CHD5: variants seen among roughly 807,000 people sequenced by gnomAD.
CHD5 encodes chromodomain helicase DNA binding protein 5, also known as ATP-dependent chromatin remodeler CHD5.
A neutral mutation model predicts 230.3 loss-of-function variants in CHD5; 69 were observed. The ratio of observed to expected loss-of-function variants is 0.30; its 90% CI spans 0.25 to 0.37. CHD5 has a LOEUF of 0.37. Among genes scored for constraint, CHD5 ranks in the 10% least tolerant of loss-of-function variants. The probability of loss-of-function intolerance (pLI) is 1.00; values close to 1 mark genes in which losing one functional copy is unlikely to be tolerated. For missense variants in CHD5, 1,827 were observed against 2,622.8 expected, an observed-to-expected ratio of 0.70 and a Z score of 6.63; for synonymous variants, 1,064 against 1,065.9, an observed-to-expected ratio of 1.00 and a Z score of 0.03.
At chr1:6,136,897 G>C in intron 15 of CHD5, 32 bp from the exon 16 acceptor site, 1 of 1,582,592 alleles carries the variant, frequency 6.3e-7, no homozygotes, top group Non-Finnish European at 8.6e-7. Flanking sequence ...GGGATGAGAC[G>C]GCTGGGAGCA....
intron 6 of CHD5, 66 bp downstream of exon 6, chr1:6,152,346 G>A (rs954014394): frequency 6.4e-6 from 10 of 1,551,978 alleles, no homozygotes; most frequent in Admixed American, 1.9e-5. Context: ...CCTGGCCCTT[G>A]CGTGCTCATG....
At chr1:6,124,851 C>T (rs1265769973) in intron 29 of CHD5, among the ~76,000 whole-genome samples, 190 bp from the exon 30 acceptor site, 2 of 152,216 alleles carry the variant, frequency 1.3e-5, no homozygotes, top group African/African-American at 2.4e-5. Context: ...TAGGACAGCC[C>T]TGGGTGACCG....
At chr1:6,120,528 G>A (rs1161133086) in intron 33 of CHD5, among the ~76,000 whole-genome samples, 1 of 151,732 alleles carries the variant, frequency 6.6e-6, no homozygotes, top group Non-Finnish European at 1.5e-5. Context: ...AAATGGCCGG[G>A]CGCAGTGGCT....
intron 1 of CHD5, among the ~76,000 whole-genome samples, chr1:6,172,773 G>C (rs1667359062): frequency 6.6e-6 from 1 of 152,134 alleles, no homozygotes; most frequent in Admixed American, 6.5e-5. Context: ...GTCAAGGCTG[G>C]TTCACCACAC....
At chr1:6,145,028 A>T (rs1666889323) in intron 11 of CHD5, among the ~76,000 whole-genome samples, 1 of 152,224 alleles carries the variant, frequency 6.6e-6, no homozygotes, top group Non-Finnish European at 1.5e-5. Context: ...GTAAAGGTAG[A>T]AAACCATGGG....
In CHD5 at chr1:6,134,916, T is replaced by G; in HGVS notation, c.2871-57A>C. On this transcript the variant is annotated intron_variant, in intron 18 of 41. Transcript: ENST00000262450. The surrounding 1 kb of genome is among the most constrained non-coding windows in gnomAD (Gnocchi z 6.3). ...GTCAGACCCGCCTCCATGAGGGCTCTCTCTGCTCTGCAGTGGGGCTGGAAG... is the reference window on the plus strand; with the variant it reads ...GTCAGACCCGCCTCCATGAGGGCTCGCTCTGCTCTGCAGTGGGGCTGGAAG... 6.2e-7 allele frequency: 1 copy of G among 1,607,122 alleles called. No individual in the cohort carries two copies. Among genetic ancestry groups the G allele is most frequent in the Non-Finnish European group, 8.5e-7 (1 of 1,174,850 alleles).
In CHD5 at chr1:6,136,827, G is replaced by A. The variant is rs1324694354; in HGVS notation, c.2475C>T (p.Ser825=). ...CCTGGTCAATGGTGATGAGCTCATA[G>A]GAGGTGAGCAGCACGTGGAATTTGA... ...VQIKFHVLLT[S]YELITIDQAI... is the part of the protein sequence containing the mutation. The change falls in exon 16 of 42, where the codon TCC becomes TCT. Residue 825 remains serine, a synonymous_variant. Transcript: ENST00000262450. 1.2e-6 allele frequency: 2 copies of A among 1,612,704 alleles called. No individual in the cohort carries two copies. Among genetic ancestry groups the A allele is most frequent in the South Asian group, 2.2e-5 (2 of 90,972 alleles).
chr1:6,152,264 T>G (rs1264752313), intron 6 of CHD5, 148 bp downstream of exon 6: 6 of 814,092 alleles, frequency 7.4e-6, no homozygotes, highest in African/African-American at 3.4e-5. Flanking sequence ...CACACCTGCA[T>G]GTAGGATGGA....
chr1:6,145,767 G>A lies in CHD5; in HGVS notation c.1802+445C>T, dbSNP rs114608051. Among the ~76,000 whole-genome samples, 285 of 152,336 alleles carry A rather than the reference G, an allele frequency of 1.9e-3. 1 individual carries two copies. Among genetic ancestry groups the A allele is most frequent in the Non-Finnish European group, 3.5e-3 (239 of 68,030 alleles). On this transcript the variant is annotated intron_variant, in intron 11 of 41. Transcript: ENST00000262450. ...GTGATTCTGGCGACTTAACCTTGCT[G>A]TGCCTATTCTCACATCAGTAAAACA...
rs2100863240 is a variant in CHD5, at chr1:6,149,077, T to TG, written c.1162-3dup. On this transcript the variant is annotated splice_region_variant and splice_polypyrimidine_tract_variant and intron_variant, in intron 8 of 41. Transcript: ENST00000262450. ...CTCCCACTGGATCCCCTCCTTCTCC[T>TG]GGGGGAGGAGGCCAGGTGGAGGCAC... The TG allele has an allele frequency of 3.3e-6, 5 of 1,517,130 alleles. No individual in the cohort carries two copies. Among genetic ancestry groups the TG allele is most frequent in the Non-Finnish European group, 3.5e-6 (4 of 1,131,318 alleles). 94.0% of individuals were successfully genotyped at this position (1,517,130 alleles called of 1,614,324 possible).
chr1:6,107,402 TG>T (rs1408458159), intron 38 of CHD5, among the ~76,000 whole-genome samples: 9 of 65,170 alleles, frequency 1.4e-4, no homozygotes, highest in African/African-American at 2.2e-4. Context: ...AATGGAGGGG[TG>T]GAGAAATGGA....
rs545749164 is a variant in CHD5, at chr1:6,180,115, G to T, written c.-92C>A. ...CGTGCGCTGCCGGACCGGCGCGCGC[G>T]GCGGGCGAGGCGGCCTCGGCGAGAA... On this transcript the variant is annotated 5_prime_UTR_variant, in exon 1 of 42. Coordinates refer to ENST00000262450, the MANE Select transcript of CHD5 (RefSeq NM_015557.3). The T allele has an allele frequency of 4.8e-3, 2,194 of 459,704 alleles. 32 individuals are homozygous for T. The highest frequency in any genetic ancestry group is 0.037 in the African/African-American group (1,747 of 46,764). The allele number at this position is 459,704 out of a possible 1,614,324, so 28.5% of individuals were successfully genotyped here. A position where few individuals can be genotyped will look rare whatever the true frequency, so the allele number is the denominator to read the frequency against.
intron 2 of CHD5, among the ~76,000 whole-genome samples, chr1:6,166,035 A>G (rs1434619636): frequency 2.0e-5 from 3 of 151,840 alleles, no homozygotes; most frequent in Non-Finnish European, 4.4e-5. Flanking sequence ...CTCCCCATGC[A>G]GCCCCCATGC....
Position 6,125,531 on chromosome 1 carries a change from T to C in CHD5, c.4253A>G (p.Asn1418Ser), listed in dbSNP as rs376892740. The C allele has an allele frequency of 3.8e-6, 6 of 1,586,528 alleles. No individual in the cohort carries two copies. Among genetic ancestry groups the C allele is most frequent in the African/African-American group, 2.7e-5 (2 of 74,216 alleles). The change falls in exon 28 of 42, where the codon AAC becomes AGC. Residue 1418 changes from asparagine to serine, a missense_variant. Physicochemically the swap from Asn to Ser is conservative, Grantham distance 46. Coordinates refer to ENST00000262450, the MANE Select transcript of CHD5 (RefSeq NM_015557.3). This position sits in a 1 kb window ranked among gnomAD's most constrained non-coding sequence, Gnocchi z 6.7. ...GGAACAGACAGGCCCCACCTCGATG[T>C]TGCCACCAACTCGGGCGAGAAGCGG... ...LPPLLARVGG[N>S]IEVLGFNARQ...
chr1:6,177,049 ACTG>A (rs1298961088), intron 1 of CHD5, among the ~76,000 whole-genome samples: 1 of 152,142 alleles, frequency 6.6e-6, no homozygotes, highest in African/African-American at 2.4e-5. Context: ...ACAATAATTC[ACTG>A]CTGAGAGTGA....
rs199924699 is a variant in CHD5 at position 6,151,058 on chromosome 1, C to A, written c.968G>T (p.Ser323Ile). 3.1e-6 allele frequency: 5 copies of A among 1,591,938 alleles called. No homozygotes were observed. The Admixed American group carries it at 5.1e-5, about 16-fold the overall frequency. ...SECSAALGKK[S>I]KRRRKKKRID... The stretch of plus-strand genomic sequence containing the variant: ...CCTCTTCTTCTTGCGCCTCCTCTTG[C>A]TCTTCTTGCCCAGGGCTGCAGAGCA... The change falls in exon 7 of 42, where the codon AGC (serine) becomes ATC (isoleucine). Residue 323 changes from serine (S) to isoleucine (I), a missense_variant. Transcript: ENST00000262450.
intron 15 of CHD5, among the ~76,000 whole-genome samples, chr1:6,141,756 A>T (rs555579072): frequency 1.3e-5 from 2 of 152,310 alleles, no homozygotes; most frequent in East Asian, 1.9e-4. Context: ...AGAGGCAGAA[A>T]CTGACGCGAC....
At position 6,102,912 on chromosome 1, in the gene CHD5, G is replaced by A. The variant is rs895419606; in HGVS notation, c.*2562C>T. On this transcript the variant is annotated 3_prime_UTR_variant, in exon 42 of 42. Coordinates refer to ENST00000262450, the MANE Select transcript of CHD5 (RefSeq NM_015557.3). The stretch of plus-strand genomic sequence containing the variant: ...GAGCCCATGGGGCAATGCCTTCCAA[G>A]ACCTTGGCTCAAACATGGCTCTGCA... The A allele has an allele frequency of 3.9e-5, 6 of 152,448 alleles. No homozygotes were observed. The highest frequency in any genetic ancestry group is 1.4e-4 in the African/African-American group (6 of 41,460). The allele number at this position is 152,448 out of a possible 1,614,324, so 9.4% of individuals were successfully genotyped here. A position where few individuals can be genotyped will look rare whatever the true frequency, so the allele number is the denominator to read the frequency against.
In CHD5 at chr1:6,134,197, C is replaced by T; in HGVS notation, c.3075G>A (p.Lys1025=). The change falls in exon 20 of 42, where the codon AAG becomes AAA. Residue 1025 remains lysine (K), a synonymous_variant. Transcript: ENST00000262450. This position sits in a 1 kb window ranked among gnomAD's most constrained non-coding sequence, Gnocchi z 6.3. ...DGSSLVKSSG[K]LMLLQKMLKK... The stretch of plus-strand genomic sequence containing the variant: ...TCAGCATCTTCTGTAGCAGCATGAG[C>T]TTCCCTGAAGACTTGACCAGGGAGC... 6.2e-7 allele frequency: 1 copy of T among 1,613,926 alleles called. No individual in the cohort carries two copies. Among genetic ancestry groups the T allele is most frequent in the South Asian group, 1.1e-5 (1 of 91,084 alleles).
Sources: allele counts gnomAD v4.1 joint callset (sites outside exome capture counted in the v4.1 genomes callset), GRCh38; gene constraint gnomAD v4.1.1; non-coding constraint Gnocchi (gnomAD v3.1); transcripts MANE v1.5; gene names NCBI Gene and HGNC (gene_info 2026-07-23, HGNC 2026-07-21).